Variants in ATAD2 observed in about 807,000 individuals in gnomAD.
ATAD2 encodes ATPase family AAA domain containing 2.
Under a neutral mutation model 168.9 loss-of-function variants are expected in ATAD2, and 62 were observed. The observed-to-expected ratio is 0.37, with a 90% CI of 0.30 to 0.45. ATAD2 has a LOEUF of 0.45. Among genes scored for constraint, ATAD2 ranks in the 20% least tolerant of loss-of-function variants. The probability of loss-of-function intolerance (pLI) is 1.00; values close to 1 mark genes in which losing one functional copy is unlikely to be tolerated. For synonymous variants in ATAD2, 613 were observed against 571.6 expected, an observed-to-expected ratio of 1.07 and a Z score of -1.03; for missense variants, 1,419 against 1,667.8, an observed-to-expected ratio of 0.85 and a Z score of 2.60.
At chr8:123,388,566 T>A (rs563365764) in intron 1 of ATAD2, among the ~76,000 whole-genome samples, 40 of 152,224 alleles carry the variant, frequency 2.6e-4, no homozygotes, top group African/African-American at 8.9e-4. Flanking sequence ...CTGGTTTTTG[T>A]AGAGACAGGG....
intron 11 of ATAD2, among the ~76,000 whole-genome samples, chr8:123,358,501 T>C (rs1264779047): frequency 6.6e-5 from 10 of 151,930 alleles, no homozygotes; most frequent in Admixed American, 4.6e-4. Context: ...CCCGCCACCA[T>C]GCCTGGCTAA....
chr8:123,346,429 A>G (rs1207651021), intron 17 of ATAD2, among the ~76,000 whole-genome samples, 157 bp from the exon 18 acceptor site: 1 of 152,200 alleles, frequency 6.6e-6, no homozygotes, highest in Non-Finnish European at 1.5e-5. Flanking sequence ...TGACCCCCAA[A>G]GGTTTTTAGG....
At chr8:123,378,592 C>T (rs939801970) in intron 2 of ATAD2, among the ~76,000 whole-genome samples, 1 of 143,512 alleles carries the variant, frequency 7.0e-6, no homozygotes, top group African/African-American at 2.6e-5. Flanking sequence ...ATCCCAGTTA[C>T]TAGGTGAGCT....
intron 13 of ATAD2, among the ~76,000 whole-genome samples, chr8:123,349,930 A>G (rs975397818): frequency 2.5e-4 from 38 of 151,630 alleles, no homozygotes; most frequent in African/African-American, 9.2e-4. Flanking sequence ...CTGTAGTCCT[A>G]CTACTTGGGA....
chr8:123,338,434 C>G (rs1013492737), intron 20 of ATAD2, among the ~76,000 whole-genome samples: 2 of 151,280 alleles, frequency 1.3e-5, no homozygotes, highest in African/African-American at 2.4e-5. Flanking sequence ...AATATTCTAA[C>G]TATAAAAAAG....
chr8:123,326,545 G>A (rs1827620754), intron 25 of ATAD2, among the ~76,000 whole-genome samples: 1 of 152,006 alleles, frequency 6.6e-6, no homozygotes, highest in Non-Finnish European at 1.5e-5. Context: ...GCGCATGGTG[G>A]TACATGCCTA....
intron 16 of ATAD2, 128 bp from the exon 17 acceptor site, chr8:123,346,878 GAATT>G (rs1275129101): frequency 3.3e-5 from 38 of 1,144,900 alleles, no homozygotes; most frequent in Non-Finnish European, 4.3e-5. Context: ...GTGTAGATAT[GAATT>G]AATAAGTAAA....
At chr8:123,346,594 C>T (rs1586869998) in intron 17 of ATAD2, 24 bp downstream of exon 17, 14 of 1,505,014 alleles carry the variant, frequency 9.3e-6, no homozygotes, top group Non-Finnish European at 1.3e-5. Flanking sequence ...ATGCAAAAAA[C>T]ATTGATTTGC....
At chr8:123,400,800 G>C (rs1812985855), upstream of ATAD2, 6 of 936,468 alleles carry the variant, frequency 6.4e-6, no homozygotes, top group South Asian at 6.4e-5. This position sits in a 1 kb window ranked among gnomAD's most constrained non-coding sequence, Gnocchi z 4.5. Context: ...CTGTGACAGA[G>C]GGCAACATGG....
At position 123,334,321 on chromosome 8, in the gene ATAD2, A is replaced by G; in HGVS notation, c.3213T>C (p.Asp1071=). ...LEYNPDRDPG[D]RLIRHRACAL... ...CACAGGCTCTATGCCTAATAAGACG[A>G]TCTATGAAGTGAGTAAAAAATGTAA... is the stretch of plus-strand genomic sequence containing the variant. The change falls in exon 23 of 28, where the codon GAT becomes GAC. Residue 1071 remains aspartate (D), a splice_region_variant and synonymous_variant. Transcript: ENST00000287394. 1.3e-6 allele frequency: 2 copies of G among 1,518,294 alleles called. No homozygotes were observed. Among genetic ancestry groups the G allele is most frequent in the African/African-American group, 2.8e-5 (2 of 71,054 alleles). The allele number at this position is 1,518,294 out of a possible 1,614,324, so 94.1% of individuals were successfully genotyped here.
chr8:123,326,388 G>A (rs1325503064), intron 25 of ATAD2, among the ~76,000 whole-genome samples: 1 of 151,870 alleles, frequency 6.6e-6, no homozygotes, highest in Non-Finnish European at 1.5e-5. Context: ...TGTAAATTAT[G>A]TTTTATTAGA....
intron 19 of ATAD2, among the ~76,000 whole-genome samples, chr8:123,341,051 T>C (rs1393646212): frequency 6.6e-6 from 1 of 151,946 alleles, no homozygotes; most frequent in African/African-American, 2.4e-5. Flanking sequence ...CAAGCGGTTC[T>C]CCCACTTCAG....
At chr8:123,409,940 G>A (rs1458968246) in intron 1 of ATAD2, among the ~76,000 whole-genome samples, 75 of 102,868 alleles carry the variant, frequency 7.3e-4, no homozygotes, top group Admixed American at 8.0e-4. Context: ...CTCCATCTCG[G>A]AAAAAAAAAA....
intron 24 of ATAD2, among the ~76,000 whole-genome samples, chr8:123,333,087 C>A (rs1002372436): frequency 2.6e-5 from 4 of 151,800 alleles, no homozygotes; most frequent in African/African-American, 9.7e-5. Context: ...ACACAGAGAT[C>A]TAAAAAGGTA....
chr8:123,386,930 TA>T (rs578098510), intron 1 of ATAD2, among the ~76,000 whole-genome samples: 72 of 150,916 alleles, frequency 4.8e-4, no homozygotes, highest in South Asian at 2.3e-3. Flanking sequence ...AAAAAAAAAT[TA>T]TGTGGGAGTC....
In ATAD2 at chr8:123,356,482, A is replaced by G. The variant is rs2131355660; in HGVS notation, c.1558-5T>C. ...TGATGGGCGCATCTGATAGGCCTAGAAAGTAGGTGGAGTGGTCATTTGTTA... is the reference window on the plus strand; with the variant it reads ...TGATGGGCGCATCTGATAGGCCTAGGAAGTAGGTGGAGTGGTCATTTGTTA... On this transcript the variant is annotated splice_region_variant and splice_polypyrimidine_tract_variant and intron_variant, in intron 12 of 27. Transcript: ENST00000287394. 1 of 1,608,296 alleles carries G rather than the reference A, an allele frequency of 6.2e-7. No homozygotes were observed. Among genetic ancestry groups the G allele is most frequent in the East Asian group, 2.2e-5 (1 of 44,688 alleles).
intron 1 of ATAD2, chr8:123,401,589 G>T (rs779265169): frequency 2.5e-5 from 33 of 1,346,722 alleles, no homozygotes; most frequent in Non-Finnish European, 3.1e-5. Flanking sequence ...GATGGCATGT[G>T]GTTGCCCCCA....
intron 7 of ATAD2, 27 bp downstream of exon 7, chr8:123,369,794 C>A (rs753380415): frequency 6.5e-7 from 1 of 1,530,700 alleles, no homozygotes; most frequent in South Asian, 1.1e-5. Context: ...AATTACATCT[C>A]CTGGAAAGAG....
At chr8:123,355,803 T>A (rs748876664) in intron 13 of ATAD2, among the ~76,000 whole-genome samples, 1 of 152,168 alleles carries the variant, frequency 6.6e-6, no homozygotes, top group Non-Finnish European at 1.5e-5. Context: ...ACCATAGCCC[T>A]CCTCTTACTA....
Sources: allele counts gnomAD v4.1 joint callset (sites outside exome capture counted in the v4.1 genomes callset), GRCh38; gene constraint gnomAD v4.1.1; non-coding constraint Gnocchi (gnomAD v3.1); transcripts MANE v1.5; gene names NCBI Gene and HGNC (gene_info 2026-07-23, HGNC 2026-07-21).